The following FHIT variants were observed in gnomAD, a reference collection of about 807,000 sequenced individuals.
The protein encoded by FHIT is bis(5'-adenosyl)-triphosphatase.
In FHIT, 19 loss-of-function variants were observed where a neutral mutation model predicts 17.9. The observed-to-expected ratio is 1.06, with a 90% CI of 0.74 to 1.56. The LOEUF is 1.56. FHIT is among the 40% of genes most tolerant of loss of function. The pLI, the probability that FHIT is intolerant of heterozygous loss-of-function variation, is 0.00. For synonymous variants in FHIT, 81 were observed against 69.7 expected (o/e 1.16, Z -0.81); for missense variants, 248 against 189.2 (o/e 1.31, Z -1.82).
chr3:59,979,919 T>G (rs934030708), intron 7 of FHIT, among the ~76,000 whole-genome samples: 3 of 152,180 alleles, frequency 2.0e-5, no homozygotes, highest in African/African-American at 7.2e-5. Flanking sequence ...CAGTAGCTCT[T>G]CTCCAGTCCT....
chr3:60,375,609 C>T (rs1451322079), intron 5 of FHIT, among the ~76,000 whole-genome samples: 2 of 152,024 alleles, frequency 1.3e-5, no homozygotes, highest in East Asian at 3.9e-4. Flanking sequence ...ATAAATACTA[C>T]TATACCATTT....
intron 3 of FHIT, among the ~76,000 whole-genome samples, chr3:60,947,239 A>C: frequency 6.6e-6 from 1 of 152,164 alleles, no homozygotes; most frequent in Non-Finnish European, 1.5e-5. Flanking sequence ...CTCCTCTCAG[A>C]CTAAATTCTA....
At chr3:59,900,628 T>A (rs981206310) in intron 8 of FHIT, among the ~76,000 whole-genome samples, 1 of 152,146 alleles carries the variant, frequency 6.6e-6, no homozygotes, top group African/African-American at 2.4e-5. Flanking sequence ...TGTTTGTTTT[T>A]TTTGAGATGG....
intron 4 of FHIT, among the ~76,000 whole-genome samples, chr3:60,585,403 T>C (rs575658622): frequency 6.6e-6 from 1 of 152,176 alleles, no homozygotes; most frequent in Admixed American, 6.6e-5. Context: ...TGTAAAGCTG[T>C]AGTGGTAGTC....
intron 5 of FHIT, among the ~76,000 whole-genome samples, chr3:60,460,858 T>C (rs979696651): frequency 6.6e-6 from 1 of 152,242 alleles, no homozygotes. Context: ...ATTTTTTCTT[T>C]CCTTGTTCAG....
intron 3 of FHIT, among the ~76,000 whole-genome samples, chr3:60,937,046 A>G (rs1575720445): frequency 6.6e-6 from 1 of 152,172 alleles, no homozygotes; most frequent in Non-Finnish European, 1.5e-5. Flanking sequence ...CTCAAGATGT[A>G]TAACCTCAAA....
chr3:60,495,035 G>C (rs2034238426), intron 5 of FHIT, among the ~76,000 whole-genome samples: 1 of 152,068 alleles, frequency 6.6e-6, no homozygotes. Flanking sequence ...TTAGTTTTCT[G>C]AGTAACCTCC....
intron 5 of FHIT, among the ~76,000 whole-genome samples, chr3:60,438,169 C>T (rs1362920721): frequency 6.6e-6 from 1 of 152,062 alleles, no homozygotes; most frequent in Non-Finnish European, 1.5e-5. Flanking sequence ...GCAAAGCTAT[C>T]TCCAGTAGGG....
At chr3:60,882,940 T>A (rs1575639905) in intron 3 of FHIT, among the ~76,000 whole-genome samples, 1 of 152,108 alleles carries the variant, frequency 6.6e-6, no homozygotes, top group Non-Finnish European at 1.5e-5. Flanking sequence ...TGTTTACAGA[T>A]GACATAATCT....
chr3:59,861,727 C>T (rs921364299), intron 8 of FHIT, among the ~76,000 whole-genome samples: 1 of 152,114 alleles, frequency 6.6e-6, no homozygotes, highest in Non-Finnish European at 1.5e-5. Context: ...TCCTGAAGTA[C>T]AAGAAGTCTA....
chr3:60,460,569 G>A (rs1052567067), intron 5 of FHIT, among the ~76,000 whole-genome samples: 1 of 152,114 alleles, frequency 6.6e-6, no homozygotes, highest in African/African-American at 2.4e-5. Flanking sequence ...CCTAGAAACT[G>A]TTTATTCAGA....
At position 61,009,280 on chromosome 3, in the gene FHIT, T is replaced by C. The variant is rs111380082; in HGVS notation, c.-111+32767A>G. Among the ~76,000 whole-genome samples the C allele has an allele frequency of 2.3e-3, 354 of 152,224 alleles. 1 individual carries two copies. The highest frequency in any genetic ancestry group is 3.0e-3 in the Non-Finnish European group (203 of 68,010). On this transcript the variant is annotated intron_variant, in intron 3 of 9. Coordinates refer to ENST00000492590, the MANE Select transcript of FHIT (RefSeq NM_002012.4). ...CTTCACTTAGCGTCAGAAGGCCACG[T>C]GATATATGTTCTGGTTCTCTTTCTT...
chr3:59,954,744 T>A (rs979626534), intron 7 of FHIT, among the ~76,000 whole-genome samples: 6 of 152,164 alleles, frequency 3.9e-5, no homozygotes, highest in African/African-American at 1.4e-4. Flanking sequence ...GGCTTCCTTT[T>A]AGAAATTTCT....
chr3:59,871,341 G>T (rs615542), intron 8 of FHIT, among the ~76,000 whole-genome samples: 1 of 151,904 alleles, frequency 6.6e-6, no homozygotes, highest in Non-Finnish European at 1.5e-5. Flanking sequence ...TGCTGTGTGC[G>T]CTATTAATAA....
At chr3:60,207,726 A>T (rs1703266614) in intron 5 of FHIT, among the ~76,000 whole-genome samples, 1 of 152,168 alleles carries the variant, frequency 6.6e-6, no homozygotes, top group Non-Finnish European at 1.5e-5. Flanking sequence ...CATTGTTTCT[A>T]TAAAAAGGTC....
At chr3:60,584,407 C>A (rs1276594332) in intron 4 of FHIT, among the ~76,000 whole-genome samples, 3 of 151,892 alleles carry the variant, frequency 2.0e-5, no homozygotes, top group African/African-American at 7.3e-5. Context: ...ACATACAACC[C>A]TTGTGAGCTG....
At chr3:60,286,559 G>C (rs368839920) in intron 5 of FHIT, among the ~76,000 whole-genome samples, 6 of 152,084 alleles carry the variant, frequency 3.9e-5, no homozygotes, top group African/African-American at 1.4e-4. Flanking sequence ...CTCTCACAGT[G>C]ATATTTACAA....
At chr3:60,962,576 T>C (rs543547364) in intron 3 of FHIT, among the ~76,000 whole-genome samples, 2 of 152,340 alleles carry the variant, frequency 1.3e-5, no homozygotes, top group South Asian at 2.1e-4. Context: ...TTGTCATAGA[T>C]AGCTTGCATT....
intron 4 of FHIT, among the ~76,000 whole-genome samples, chr3:60,613,836 TG>T (rs1553674676): frequency 6.6e-6 from 1 of 151,940 alleles, no homozygotes; most frequent in Non-Finnish European, 1.5e-5. Context: ...AGGGACAAAG[TG>T]GGGCTTGAGA....
Sources: allele counts gnomAD v4.1 joint callset (sites outside exome capture counted in the v4.1 genomes callset), GRCh38; gene constraint gnomAD v4.1.1; transcripts MANE v1.5; gene names NCBI Gene and HGNC (gene_info 2026-07-23, HGNC 2026-07-21).